Variants in DST observed in about 807,000 individuals in gnomAD.
DST encodes dystonin.
A neutral mutation model predicts 875.2 loss-of-function variants in DST; 253 were observed. That is an observed-to-expected ratio of 0.29 (90% CI 0.26 to 0.32). The LOEUF (loss-of-function observed/expected upper bound fraction) is 0.32. Ranked by LOEUF, DST falls within the 10% of genes least tolerant of loss-of-function variation. DST has a pLI of 1.00. For synonymous variants in DST, 3,124 were observed against 3,197.1 expected, an observed-to-expected ratio of 0.98 and a Z score of 0.77; for missense variants, 8,287 against 9,111.6, an observed-to-expected ratio of 0.91 and a Z score of 3.68.
In DST at chr6:56,497,992, T is replaced by A; in HGVS notation, c.19958A>T (p.Asn6653Ile). Residue 6653 changes from asparagine to isoleucine, a missense_variant, in exon 81 of 104, where the codon AAT becomes ATT. By Grantham distance (149) the Asn-to-Ile change is moderately radical. Transcript: ENST00000680361. ...STVEAVNKAG[N>I]DLIESSAGEE... is the part of the protein sequence containing the mutation. The stretch of plus-strand genomic sequence containing the variant: ...TCCTGCACTTGATTCAATTAGATCA[T>A]TTCCTGCTTTATTAACGGCTTCCAC... 1 of 1,613,514 alleles carries A rather than the reference T, an allele frequency of 6.2e-7. No individual in the cohort carries two copies. The highest frequency in any genetic ancestry group is 2.2e-5 in the East Asian group (1 of 44,864).
chr6:56,775,502 T>C (rs902364465), intron 4 of DST, among the ~76,000 whole-genome samples: 1 of 152,198 alleles, frequency 6.6e-6, no homozygotes, highest in Non-Finnish European at 1.5e-5. Context: ...TAAAGATAGA[T>C]GGCAAAACAT....
intron 4 of DST, among the ~76,000 whole-genome samples, chr6:56,779,722 CTTTT>C (rs72488669): frequency 7.0e-6 from 1 of 143,016 alleles, no homozygotes; most frequent in African/African-American, 2.6e-5. Context: ...CTTCCTTATT[CTTTT>C]TTTTTTTTAA....
At chr6:56,749,214 C>A (rs1428503045) in intron 4 of DST, among the ~76,000 whole-genome samples, 1 of 151,900 alleles carries the variant, frequency 6.6e-6, no homozygotes, top group African/African-American at 2.4e-5. Context: ...ATTGGCCAGG[C>A]GTGGTGGTGT....
chr6:56,857,052 C>T (rs184097230), intron 3 of DST, among the ~76,000 whole-genome samples: 27 of 151,534 alleles, frequency 1.8e-4, no homozygotes, highest in African/African-American at 6.5e-4. Context: ...TGCTCCATTG[C>T]CCAGGCTGGA....
At chr6:56,881,448 G>A (rs1782181403) in intron 3 of DST, among the ~76,000 whole-genome samples, 2 of 152,054 alleles carry the variant, frequency 1.3e-5, no homozygotes, top group African/African-American at 4.8e-5. Context: ...ACTCCGGCCT[G>A]GGTGACAGAG....
chr6:56,759,925 C>T (rs1589764883), intron 4 of DST, among the ~76,000 whole-genome samples: 1 of 152,332 alleles, frequency 6.6e-6, no homozygotes, highest in East Asian at 1.9e-4. Flanking sequence ...TTCACAGAAT[C>T]ATTTTGTGGT....
Position 56,621,444 on chromosome 6 carries a change from G to A in DST, c.4929+3086C>T, listed in dbSNP as rs1192290764. 2.0e-5 allele frequency among the ~76,000 whole-genome samples: 3 copies of A among 152,252 alleles called. No individual in the cohort carries two copies. The South Asian group carries it at 6.2e-4, about 32-fold the overall frequency. Reference sequence around the variant, plus strand: ...GTCCTGATGGCTCTGGAAAAGATGCGCTTCATATACTCACAGATTTTGTTG... The same window carrying A: ...GTCCTGATGGCTCTGGAAAAGATGCACTTCATATACTCACAGATTTTGTTG... On this transcript the variant is annotated intron_variant, in intron 36 of 103. Coordinates refer to ENST00000680361, the MANE Select transcript of DST (RefSeq NM_001374736.1).
intron 2 of DST, among the ~76,000 whole-genome samples, chr6:56,922,508 T>C (rs1804803221): frequency 2.6e-5 from 4 of 152,194 alleles, no homozygotes. Flanking sequence ...CTGATTCTAC[T>C]CTCTTGAGGG....
At chr6:56,586,119 G>T (rs944100346) in intron 49 of DST, among the ~76,000 whole-genome samples, 103 of 152,150 alleles carry the variant, frequency 6.8e-4, no homozygotes, top group Non-Finnish European at 1.3e-3. Flanking sequence ...GGTCTGCTTG[G>T]TGTAGAGCTG....
chr6:56,503,976 T>C (rs916661027), intron 78 of DST, 21 bp downstream of exon 78: 2 of 1,558,902 alleles, frequency 1.3e-6, no homozygotes, highest in African/African-American at 2.7e-5. Context: ...GAGTCTTCGA[T>C]AAATTAGCCC....
At chr6:56,819,228 C>T (rs754043027) in intron 4 of DST, among the ~76,000 whole-genome samples, 15 of 152,266 alleles carry the variant, frequency 9.9e-5, no homozygotes, top group South Asian at 2.1e-4. Context: ...AGCTCTGACA[C>T]GGCTAAAACA....
At chr6:56,556,148 T>C (rs796116565) in intron 59 of DST, among the ~76,000 whole-genome samples, 3 of 152,216 alleles carry the variant, frequency 2.0e-5, no homozygotes, top group South Asian at 2.1e-4. Flanking sequence ...AAGTTCACAC[T>C]GCACTTACAC....
At position 56,508,673 on chromosome 6, in the gene DST, C is replaced by A. The variant is rs749337601; in HGVS notation, c.19095G>T (p.Leu6365=). Residue 6365 remains leucine, a synonymous_variant, in exon 75 of 104, where the codon CTG becomes CTT. Transcript: ENST00000680361. The part of the protein sequence containing the change: ...TLVEEREAKL[L]DVMELAEKFW... Reference sequence around the variant, plus strand: ...ACTTTTCTGCTAGCTCCATCACATCCAGTAGTTTGGCTTCCCTCTCTTCCA... The same window carrying A: ...ACTTTTCTGCTAGCTCCATCACATCAAGTAGTTTGGCTTCCCTCTCTTCCA... 2 of 1,613,846 alleles carry A rather than the reference C, an allele frequency of 1.2e-6. No individual in the cohort carries two copies. The highest frequency in any genetic ancestry group is 1.7e-6 in the Non-Finnish European group (2 of 1,179,784).
intron 5 of DST, among the ~76,000 whole-genome samples, chr6:56,711,712 C>T (rs1036027708): frequency 6.6e-6 from 1 of 152,068 alleles, no homozygotes; most frequent in Non-Finnish European, 1.5e-5. Context: ...AAACGAGCGT[C>T]GGCTTGTAAA....
intron 9 of DST, among the ~76,000 whole-genome samples, chr6:56,689,135 C>T (rs1410568037): frequency 1.3e-5 from 2 of 152,136 alleles, no homozygotes; most frequent in Non-Finnish European, 2.9e-5. Flanking sequence ...CATAACAGAA[C>T]ACTTCAGAGA....
intron 36 of DST, chr6:56,619,629 A>G: frequency 6.2e-7 from 1 of 1,613,784 alleles, no homozygotes; most frequent in Non-Finnish European, 8.5e-7. Context: ...TCTAACTGAT[A>G]ATTGCGCTTT....
intron 36 of DST, chr6:56,616,215 T>C: frequency 6.2e-7 from 1 of 1,614,198 alleles, no homozygotes; most frequent in Non-Finnish European, 8.5e-7. Context: ...TGATACTTTT[T>C]GACCAAGGCT....
intron 2 of DST, among the ~76,000 whole-genome samples, chr6:56,946,467 C>T (rs1819534881): frequency 6.6e-6 from 1 of 152,228 alleles, no homozygotes; most frequent in East Asian, 1.9e-4. Context: ...TGTGCTGTTG[C>T]TGTTATTTCC....
At chr6:56,786,081 T>C (rs920956137) in intron 4 of DST, among the ~76,000 whole-genome samples, 3 of 152,188 alleles carry the variant, frequency 2.0e-5, no homozygotes, top group Non-Finnish European at 4.4e-5. Context: ...CTGTCATTAA[T>C]GAATAAAACT....
Sources: allele counts gnomAD v4.1 joint callset (sites outside exome capture counted in the v4.1 genomes callset), GRCh38; gene constraint gnomAD v4.1.1; transcripts MANE v1.5; gene names NCBI Gene and HGNC (gene_info 2026-07-23, HGNC 2026-07-21).